CTNNA3: variants seen among roughly 807,000 people sequenced by gnomAD.
CTNNA3 encodes the protein catenin alpha-3.
CTNNA3 carries 76 observed loss-of-function variants against 95.7 expected under a neutral mutation model. The ratio of observed to expected loss-of-function variants is 0.79; its 90% confidence interval spans 0.66 to 0.96. The LOEUF (loss-of-function observed/expected upper bound fraction) is 0.96. Ranked by LOEUF, CTNNA3 falls within the 40% of genes least tolerant of loss-of-function variation. The pLI is 0.00. For missense variants in CTNNA3, 1,191 were observed against 1,089.8 expected, an observed-to-expected ratio of 1.09 and a Z score of -1.31; for synonymous variants, 431 against 374.4, an observed-to-expected ratio of 1.15 and a Z score of -1.74.
At chr10:66,020,109 C>A (rs550082198) in intron 15 of CTNNA3, among the ~76,000 whole-genome samples, 1 of 152,276 alleles carries the variant, frequency 6.6e-6, no homozygotes, top group East Asian at 1.9e-4. Flanking sequence ...ATGTAATTTT[C>A]TGTATTTCAA....
intron 9 of CTNNA3, among the ~76,000 whole-genome samples, chr10:66,657,310 A>T: frequency 6.6e-6 from 1 of 152,188 alleles, no homozygotes; most frequent in Non-Finnish European, 1.5e-5. Context: ...TTCTTTATAA[A>T]GCAGCTCTCG....
rs530029875 is a variant in CTNNA3 at position 66,672,847 on chromosome 10, C to T, written c.1282-51063G>A. On this transcript the variant is annotated intron_variant, in intron 9 of 17. Transcript: ENST00000433211. ...TCCTTAAGGAGTAGCAGTTTAGATC[C>T]AAAAAGCTCTTAAGATTGATCAGCC... Among the ~76,000 whole-genome samples, 32 of 151,948 alleles carry T rather than the reference C, an allele frequency of 2.1e-4. 1 individual carries two copies. Among genetic ancestry groups the T allele is most frequent in the Admixed American group, 9.8e-4 (15 of 15,246 alleles).
At chr10:66,008,466 G>T (rs887336372) in intron 15 of CTNNA3, among the ~76,000 whole-genome samples, 1 of 152,206 alleles carries the variant, frequency 6.6e-6, no homozygotes, top group African/African-American at 2.4e-5. Flanking sequence ...TCCGAAAGGC[G>T]TCCCTCTTCA....
At chr10:66,789,873 A>C (rs555916089) in intron 7 of CTNNA3, among the ~76,000 whole-genome samples, 1 of 152,302 alleles carries the variant, frequency 6.6e-6, no homozygotes, top group South Asian at 2.1e-4. Context: ...GATCTATTTG[A>C]GTATCATCCA....
chr10:66,122,338 C>T (rs2082619205), intron 13 of CTNNA3, among the ~76,000 whole-genome samples: 2 of 151,846 alleles, frequency 1.3e-5, no homozygotes, highest in Non-Finnish European at 2.9e-5. Flanking sequence ...TAAAGAGCAT[C>T]CAAGGAGTGT....
intron 5 of CTNNA3, among the ~76,000 whole-genome samples, chr10:67,277,534 G>A (rs1839226668): frequency 6.6e-6 from 1 of 152,056 alleles, no homozygotes; most frequent in South Asian, 2.1e-4. Context: ...TTAAATAGGG[G>A]CTGGGTAAAA....
At chr10:67,231,025 C>T (rs930718265) in intron 5 of CTNNA3, among the ~76,000 whole-genome samples, 8 of 152,222 alleles carry the variant, frequency 5.3e-5, no homozygotes, top group Non-Finnish European at 1.0e-4. Context: ...GAGGGTCCTA[C>T]GCCCACCGAG....
intron 11 of CTNNA3, among the ~76,000 whole-genome samples, chr10:66,433,905 T>C (rs1489542571): frequency 1.3e-5 from 2 of 152,228 alleles, no homozygotes; most frequent in Non-Finnish European, 2.9e-5. Context: ...AGGGAATCTT[T>C]TCCCCATTGC....
At chr10:66,971,628 G>C (rs1849729779) in intron 7 of CTNNA3, among the ~76,000 whole-genome samples, 2 of 152,188 alleles carry the variant, frequency 1.3e-5, no homozygotes, top group South Asian at 4.1e-4. Flanking sequence ...TGCCCACTTA[G>C]AGTAAACACT....
chr10:66,738,870 G>T (rs969502570), intron 9 of CTNNA3, among the ~76,000 whole-genome samples: 4 of 152,066 alleles, frequency 2.6e-5, no homozygotes, highest in African/African-American at 9.7e-5. Context: ...CGCACTACTG[G>T]TATTTTACAG....
chr10:66,892,130 C>T (rs1845293320), intron 7 of CTNNA3, among the ~76,000 whole-genome samples: 1 of 152,048 alleles, frequency 6.6e-6, no homozygotes, highest in African/African-American at 2.4e-5. Context: ...AATTCCTTTA[C>T]ATCTTTTATT....
chr10:67,649,865 G>A (rs189555331), intron 1 of CTNNA3, among the ~76,000 whole-genome samples: 5 of 152,278 alleles, frequency 3.3e-5, no homozygotes, highest in Admixed American at 6.5e-5. Flanking sequence ...TTGAGACTGA[G>A]TTTTGCTCTT....
chr10:67,482,230 G>A (rs1371244651), intron 5 of CTNNA3, among the ~76,000 whole-genome samples: 5 of 150,346 alleles, frequency 3.3e-5, no homozygotes, highest in African/African-American at 9.8e-5. Context: ...TTGGCGATGC[G>A]GCCTCTTTTT....
chr10:67,068,496 G>A (rs546242696), intron 7 of CTNNA3, among the ~76,000 whole-genome samples: 1 of 152,272 alleles, frequency 6.6e-6, no homozygotes, highest in East Asian at 1.9e-4. Flanking sequence ...AACAACAGGT[G>A]AATAGTGAGT....
At chr10:67,586,919 G>T (rs1202914094) in intron 3 of CTNNA3, among the ~76,000 whole-genome samples, 2 of 151,960 alleles carry the variant, frequency 1.3e-5, no homozygotes, top group African/African-American at 4.8e-5. Flanking sequence ...TTCTGTAGTG[G>T]TTCCATTTGA....
chr10:66,349,935 T>C (rs1270875195), intron 12 of CTNNA3, among the ~76,000 whole-genome samples: 1 of 152,086 alleles, frequency 6.6e-6, no homozygotes, highest in Admixed American at 6.6e-5. Context: ...CAGTTTTCTT[T>C]AGAGGCAGTT....
chr10:67,379,420 T>C (rs1390619977), intron 5 of CTNNA3, among the ~76,000 whole-genome samples: 2 of 152,186 alleles, frequency 1.3e-5, no homozygotes, highest in Non-Finnish European at 2.9e-5. Context: ...AAAGTGTTTA[T>C]AAATTGAAAG....
At chr10:67,569,253 A>G (rs763662388) in intron 3 of CTNNA3, among the ~76,000 whole-genome samples, 1 of 152,148 alleles carries the variant, frequency 6.6e-6, no homozygotes, top group Non-Finnish European at 1.5e-5. Flanking sequence ...CTCAGTGTCA[A>G]CCATTATGAG....
chr10:67,124,839 T>C (rs959230055), intron 7 of CTNNA3, among the ~76,000 whole-genome samples: 6 of 152,240 alleles, frequency 3.9e-5, no homozygotes, highest in Non-Finnish European at 8.8e-5. Context: ...TTTCACAGTA[T>C]TGTTATTCTG....
Sources: allele counts gnomAD v4.1 joint callset (sites outside exome capture counted in the v4.1 genomes callset), GRCh38; gene constraint gnomAD v4.1.1; transcripts MANE v1.5; gene names NCBI Gene and HGNC (gene_info 2026-07-23, HGNC 2026-07-21).